The following CEP85L variants were observed in gnomAD, a reference collection of about 807,000 sequenced individuals.
CEP85L encodes the protein centrosomal protein of 85 kDa-like.
CEP85L carries 60 observed loss-of-function variants against 100.3 expected under a neutral mutation model. The ratio of observed to expected loss-of-function variants is 0.60; its 90% CI spans 0.49 to 0.74. The LOEUF (loss-of-function observed/expected upper bound fraction) is 0.74. CEP85L is among the 30% of genes least tolerant of loss of function. The probability of loss-of-function intolerance (pLI) is 0.00; values close to 1 mark genes in which losing one functional copy is unlikely to be tolerated. For missense variants in CEP85L, 973 were observed against 936.2 expected, an observed-to-expected ratio of 1.04 and a Z score of -0.51; for synonymous variants, 319 against 322.7, an observed-to-expected ratio of 0.99 and a Z score of 0.12.
chr6:118,579,351 C>A (rs1435660623), intron 2 of CEP85L, among the ~76,000 whole-genome samples: 1 of 123,362 alleles, frequency 8.1e-6, no homozygotes, highest in Non-Finnish European at 1.7e-5. Flanking sequence ...TGGGGACGGG[C>A]GGGAAGCTGG....
intron 4 of CEP85L, among the ~76,000 whole-genome samples, chr6:118,523,366 A>G (rs1386844182): frequency 6.6e-6 from 1 of 152,212 alleles, no homozygotes; most frequent in Admixed American, 6.5e-5. Flanking sequence ...AAGTCATTTC[A>G]TTTTACACAT....
At chr6:118,642,150 A>G (rs192372414) in intron 1 of CEP85L, among the ~76,000 whole-genome samples, 3 of 152,364 alleles carry the variant, frequency 2.0e-5, no homozygotes, top group East Asian at 3.9e-4. Flanking sequence ...ATAAAGTATA[A>G]TAAATATTGC....
intron 5 of CEP85L, among the ~76,000 whole-genome samples, chr6:118,501,156 T>C (rs1180818744): frequency 1.3e-5 from 2 of 152,226 alleles, no homozygotes; most frequent in Non-Finnish European, 2.9e-5. Context: ...CCTCCTACTT[T>C]GAGGACCAGC....
intron 2 of CEP85L, among the ~76,000 whole-genome samples, chr6:118,571,056 A>G (rs1779857957): frequency 6.6e-6 from 1 of 152,170 alleles, no homozygotes; most frequent in Non-Finnish European, 1.5e-5. Context: ...TGAACAAAGA[A>G]TATTTTCCCC....
intron 3 of CEP85L, among the ~76,000 whole-genome samples, chr6:118,563,233 T>C (rs1310615036): frequency 6.6e-6 from 1 of 152,220 alleles, no homozygotes; most frequent in African/African-American, 2.4e-5. Context: ...GCACTCTTGA[T>C]GATTTAGCAG....
intron 2 of CEP85L, among the ~76,000 whole-genome samples, chr6:118,628,466 G>A (rs959307188): frequency 6.6e-6 from 1 of 152,072 alleles, no homozygotes; most frequent in African/African-American, 2.4e-5. Context: ...CTCTGAGCTT[G>A]AAGATATGTC....
upstream of CEP85L, among the ~76,000 whole-genome samples, chr6:118,654,536 A>G (rs1775709960): frequency 6.6e-6 from 1 of 152,264 alleles, no homozygotes; most frequent in Admixed American, 6.5e-5. Context: ...ATCAAGGACC[A>G]TGCTATACAA....
intron 11 of CEP85L, 46 bp downstream of exon 11, chr6:118,470,491 A>G (rs767060744): frequency 7.1e-6 from 8 of 1,127,550 alleles, no homozygotes; most frequent in Non-Finnish European, 1.0e-5. Context: ...TAAGCATTTT[A>G]TAGTGAATCA....
intron 3 of CEP85L, chr6:118,565,209 T>C (rs1235212427): frequency 3.3e-6 from 1 of 300,254 alleles, no homozygotes; most frequent in African/African-American, 2.2e-5. Flanking sequence ...CTTTCTATTA[T>C]ACCTATGCTA....
chr6:118,607,280 GA>G (rs928975370), intron 2 of CEP85L, among the ~76,000 whole-genome samples: 168 of 152,268 alleles, frequency 1.1e-3, no homozygotes, highest in African/African-American at 3.9e-3. Flanking sequence ...GATAGGAAAG[GA>G]AAAGTAGAGA....
At chr6:118,484,264 C>A (rs1435393056) in intron 6 of CEP85L, among the ~76,000 whole-genome samples, 2 of 152,082 alleles carry the variant, frequency 1.3e-5, no homozygotes, top group Non-Finnish European at 2.9e-5. Flanking sequence ...TGCAGTGAGC[C>A]GAGATTGTGC....
chr6:118,626,567 A>G (rs1320184823), intron 2 of CEP85L, among the ~76,000 whole-genome samples: 2 of 152,188 alleles, frequency 1.3e-5, no homozygotes, highest in African/African-American at 4.8e-5. Context: ...TTGCTCCTGT[A>G]ACATTCTTCC....
At chr6:118,692,900 A>C (rs1583265756) in intron 1 of CEP85L, among the ~76,000 whole-genome samples, 1 of 152,172 alleles carries the variant, frequency 6.6e-6, no homozygotes, top group African/African-American at 2.4e-5. Flanking sequence ...CACCCTTGTT[A>C]CTTAGAAGCA....
chr6:118,492,487 T>C (rs1447601484), intron 5 of CEP85L, among the ~76,000 whole-genome samples: 1 of 152,150 alleles, frequency 6.6e-6, no homozygotes, highest in Non-Finnish European at 1.5e-5. Flanking sequence ...ATTGCTTCTA[T>C]GAGCAAGGCT....
At chr6:118,661,679 G>A (rs556409659) in intron 1 of CEP85L, among the ~76,000 whole-genome samples, 1 of 152,098 alleles carries the variant, frequency 6.6e-6, no homozygotes, top group South Asian at 2.1e-4. Context: ...CTCTAATAAT[G>A]TAAATATATT....
intron 2 of CEP85L, among the ~76,000 whole-genome samples, chr6:118,600,315 G>C (rs1417264769): frequency 1.0e-5 from 1 of 97,222 alleles, no homozygotes; most frequent in Non-Finnish European, 2.3e-5. Context: ...GTGTGTGTGT[G>C]TGTGTGTGTG....
intron 10 of CEP85L, among the ~76,000 whole-genome samples, chr6:118,474,826 T>C (rs1383556765): frequency 6.6e-6 from 1 of 152,186 alleles, no homozygotes; most frequent in Non-Finnish European, 1.5e-5. Context: ...TTGGAGATTG[T>C]CATGAAAGGC....
chr6:118,703,304 A>T (rs1441341947), intron 1 of CEP85L, among the ~76,000 whole-genome samples: 2 of 152,194 alleles, frequency 1.3e-5, no homozygotes, highest in African/African-American at 4.8e-5. Flanking sequence ...ATGCAGTAAT[A>T]AATAACTGAT....
At position 118,542,900 on chromosome 6, in the gene CEP85L, C is replaced by CAAAAA. The variant is rs71012391; in HGVS notation, c.1021-18985_1021-18981dup. ...GAACTTCAACATCACCAAGTTTTCC[C>CAAAAA]AAAAAAAAAAAAAAAAAAAAAAACA... On this transcript the variant is annotated intron_variant, in intron 3 of 12. Transcript: ENST00000368491. Among the ~76,000 whole-genome samples the CAAAAA allele has an allele frequency of 1.2e-3, 78 of 67,132 alleles. 2 individuals are homozygous for CAAAAA. The highest frequency in any genetic ancestry group is 4.6e-3 in the East Asian group (12 of 2,588). The allele number at this position is 67,132 out of a possible 152,430, so 44.0% of individuals were successfully genotyped here.
Sources: allele counts gnomAD v4.1 joint callset (sites outside exome capture counted in the v4.1 genomes callset), GRCh38; gene constraint gnomAD v4.1.1; transcripts MANE v1.5; gene names NCBI Gene and HGNC (gene_info 2026-07-23, HGNC 2026-07-21).